Variants in ECT2 observed in about 807,000 individuals in gnomAD.
ECT2 encodes protein ECT2.
In ECT2, 61 loss-of-function variants were observed where a neutral mutation model predicts 116.9. The ratio of observed to expected loss-of-function variants is 0.52; its 90% CI spans 0.42 to 0.65. ECT2 has a LOEUF of 0.65. Ranked by LOEUF, ECT2 falls within the 30% of genes least tolerant of loss-of-function variation. ECT2 has a pLI of 0.00. For synonymous variants in ECT2, 358 were observed against 346.4 expected (o/e 1.03, Z -0.37); for missense variants, 937 against 1,078.7 (o/e 0.87, Z 1.84).
At chr3:172,792,095 T>G (rs1325536371) in intron 18 of ECT2, among the ~76,000 whole-genome samples, 1 of 152,138 alleles carries the variant, frequency 6.6e-6, no homozygotes. Flanking sequence ...ACTTATCAAT[T>G]AGGTTTGTTG....
At chr3:172,784,298 A>G (rs978955499) in intron 16 of ECT2, among the ~76,000 whole-genome samples, 2 of 152,142 alleles carry the variant, frequency 1.3e-5, no homozygotes, top group African/African-American at 2.4e-5. Context: ...AGTTTTTTTT[A>G]AAGTTTTATG....
chr3:172,825,286 C>T (rs1393989583), downstream of ECT2, among the ~76,000 whole-genome samples: 1 of 151,972 alleles, frequency 6.6e-6, no homozygotes, highest in East Asian at 1.9e-4. Flanking sequence ...CAGTCTCTCC[C>T]TCTGCTTGGA....
chr3:172,756,183 C>T (rs1347393152), intron 4 of ECT2, among the ~76,000 whole-genome samples: 1 of 152,174 alleles, frequency 6.6e-6, no homozygotes. Flanking sequence ...GGACTTCATT[C>T]TTCATTCTAG....
the ECT2 span, among the ~76,000 whole-genome samples, chr3:172,826,986 T>C: frequency 6.6e-6 from 1 of 152,202 alleles, no homozygotes; most frequent in African/African-American, 2.4e-5. Flanking sequence ...AAGATTTGAA[T>C]AGACGTGTTT....
chr3:172,767,700 A>G (rs530620902), intron 12 of ECT2, among the ~76,000 whole-genome samples: 2 of 152,022 alleles, frequency 1.3e-5, no homozygotes, highest in African/African-American at 4.8e-5. Context: ...AAAGATGTAT[A>G]TATATCTATA....
chr3:172,814,747 C>G (rs1729395598), intron 22 of ECT2, among the ~76,000 whole-genome samples: 1 of 152,080 alleles, frequency 6.6e-6, no homozygotes. Flanking sequence ...GTGTGTTGAT[C>G]AAATCAGGGT....
intron 22 of ECT2, among the ~76,000 whole-genome samples, chr3:172,813,658 T>C (rs1173721255): frequency 1.3e-5 from 2 of 152,096 alleles, no homozygotes; most frequent in Non-Finnish European, 2.9e-5. Flanking sequence ...CATACTGTTG[T>C]GCAATATCAC....
At chr3:172,776,198 C>CTTTTTTTTTTTTTT (rs60558773) in intron 14 of ECT2, among the ~76,000 whole-genome samples, 8 of 111,598 alleles carry the variant, frequency 7.2e-5, no homozygotes, top group African/African-American at 1.7e-4. Flanking sequence ...TCAGTTTTTT[C>CTTTTTTTTTTTTTT]TTTTTTTTTT....
At chr3:172,790,181 T>C (rs1190163413) in intron 18 of ECT2, among the ~76,000 whole-genome samples, 3 of 152,208 alleles carry the variant, frequency 2.0e-5, no homozygotes, top group Non-Finnish European at 2.9e-5. Context: ...GCCCGACATA[T>C]GGTCTTAAAT....
chr3:172,752,620 A>C (rs1170336842), intron 1 of ECT2: 1 of 152,136 alleles, frequency 6.6e-6, no homozygotes, highest in Non-Finnish European at 1.5e-5. Flanking sequence ...CATTGATTCT[A>C]AATTAAGGCT....
chr3:172,797,382 T>C (rs1355709739), intron 18 of ECT2, among the ~76,000 whole-genome samples: 1 of 152,154 alleles, frequency 6.6e-6, no homozygotes, highest in Non-Finnish European at 1.5e-5. Flanking sequence ...TTTCAGGTCA[T>C]ACATTGTTAC....
At chr3:172,768,923 C>T in intron 12 of ECT2, 84 bp from the exon 13 acceptor site, 6 of 1,404,058 alleles carry the variant, frequency 4.3e-6, no homozygotes, top group Non-Finnish European at 5.7e-6. Context: ...TAGGTTTTCT[C>T]TCCTTTTTAT....
At chr3:172,824,384 G>A (rs1191170960), downstream of ECT2, among the ~76,000 whole-genome samples, 1 of 152,144 alleles carries the variant, frequency 6.6e-6, no homozygotes, top group Non-Finnish European at 1.5e-5. Context: ...AAGCAGGAGG[G>A]AGGGAGAGAG....
chr3:172,768,568 A>G (rs1056044162), intron 12 of ECT2, among the ~76,000 whole-genome samples: 4 of 152,210 alleles, frequency 2.6e-5, no homozygotes, highest in African/African-American at 7.2e-5. Flanking sequence ...GGAAATTAAC[A>G]TTAATACTGT....
intron 20 of ECT2, among the ~76,000 whole-genome samples, chr3:172,803,349 G>GT (rs1727074169): frequency 6.6e-6 from 1 of 152,080 alleles, no homozygotes; most frequent in South Asian, 2.1e-4. Flanking sequence ...TAATGATGTG[G>GT]TTGTATTTTG....
At chr3:172,772,884 G>A (rs1357010880) in intron 13 of ECT2, among the ~76,000 whole-genome samples, 1 of 152,160 alleles carries the variant, frequency 6.6e-6, no homozygotes, top group Non-Finnish European at 1.5e-5. Context: ...GCATTGAATT[G>A]CTTTTGGACC....
downstream of ECT2, among the ~76,000 whole-genome samples, chr3:172,821,700 A>C (rs1259538941): frequency 6.6e-6 from 1 of 151,916 alleles, no homozygotes; most frequent in African/African-American, 2.4e-5. Flanking sequence ...GTTTTATGCA[A>C]AATTTTGTGT....
At chr3:172,801,773 A>T (rs1189818439) in intron 18 of ECT2, among the ~76,000 whole-genome samples, 1 of 152,194 alleles carries the variant, frequency 6.6e-6, no homozygotes, top group Admixed American at 6.5e-5. Context: ...ACAGAAATGG[A>T]TGTTAAGTGT....
chr3:172,808,889 T>A (rs1029019317), intron 22 of ECT2, among the ~76,000 whole-genome samples: 33 of 152,168 alleles, frequency 2.2e-4, no homozygotes, highest in African/African-American at 8.0e-4. Flanking sequence ...ATAATCAGAC[T>A]TTTTGTTTGT....
Sources: gnomAD v4.1 joint callset for allele counts (sites outside exome capture counted in the v4.1 genomes callset) on GRCh38, gnomAD v4.1.1 for gene constraint, MANE v1.5 for transcripts, NCBI Gene and HGNC (gene_info 2026-07-23, HGNC 2026-07-21) for gene names.